Variants in FIGNL2 observed in about 807,000 individuals in gnomAD.
FIGNL2 encodes the protein fidgetin-like protein 2.
For synonymous variants in FIGNL2, 565 were observed against 484.0 expected (o/e 1.17, Z -2.20); for missense variants, 1,060 against 950.2 (o/e 1.12, Z -1.52).
At chr12:51,848,171 C>T (rs994611625) in intron 1 of FIGNL2, 18 of 985,114 alleles carry the variant, frequency 1.8e-5, no homozygotes, top group Middle Eastern at 5.2e-4. Flanking sequence ...ACGCTGGATC[C>T]TTCTGGGACC....
At chr12:51,847,160 G>A in intron 1 of FIGNL2, 4 of 985,416 alleles carry the variant, frequency 4.1e-6, no homozygotes, top group Non-Finnish European at 4.8e-6. Context: ...CGTCGGTTCC[G>A]GACTGAGAGG....
intron 1 of FIGNL2, chr12:51,847,402 C>A: frequency 1.0e-6 from 1 of 985,482 alleles, no homozygotes; most frequent in Non-Finnish European, 1.2e-6. Context: ...CGCTGCCGGG[C>A]GGAAAGCAGG....
intron 1 of FIGNL2, among the ~76,000 whole-genome samples, chr12:51,835,708 C>T (rs1324326784): frequency 6.6e-6 from 1 of 152,186 alleles, no homozygotes; most frequent in Non-Finnish European, 1.5e-5. Flanking sequence ...TTTCCATCAC[C>T]ATAGAAAGTT....
At chr12:51,824,906 T>G (rs1483092183) in intron 1 of FIGNL2, among the ~76,000 whole-genome samples, 1 of 151,914 alleles carries the variant, frequency 6.6e-6, no homozygotes, top group African/African-American at 2.4e-5. Flanking sequence ...TAGCCGGGCG[T>G]AGTGGCGGGT....
At chr12:51,844,887 T>C (rs1939718992) in intron 1 of FIGNL2, 1 of 985,244 alleles carries the variant, frequency 1.0e-6, no homozygotes, top group African/African-American at 1.7e-5. Context: ...CTGGCGGTCC[T>C]ACTGCAAGTA....
chr12:51,848,141 G>A (rs1213467047), intron 1 of FIGNL2: 1 of 985,080 alleles, frequency 1.0e-6, no homozygotes, highest in Non-Finnish European at 1.2e-6. Context: ...GGGGCCTGCG[G>A]GCCGGCCCTC....
Position 51,820,834 on chromosome 12 carries a change from T to TCAGCCCCCGCGCCG in FIGNL2, c.1566_1579dup (p.Asp527AlafsTer168). 1 of 1,462,750 alleles carries TCAGCCCCCGCGCCG rather than the reference T, an allele frequency of 6.8e-7. No individual in the cohort carries two copies. 90.6% of individuals were successfully genotyped at this position (1,462,750 alleles called of 1,614,324 possible). A position where few individuals can be genotyped will look rare whatever the true frequency, so the allele number is the denominator to read the frequency against. ...GGTGGTGCCCACAACCAGCACGCCG[T>TCAGCCCCCGCGCCG]CAGCCCCCGCGCCGCAGCCCCCGTC... On this transcript the variant is annotated frameshift_variant, in exon 2 of 2. Coordinates refer to ENST00000618634, the MANE Select transcript of FIGNL2 (RefSeq NM_001384995.1). LOFTEE classifies it low-confidence loss of function (END_TRUNC).
intron 1 of FIGNL2, 56 bp from the exon 2 acceptor site, chr12:51,822,480 C>T (rs1939243775): frequency 8.2e-6 from 13 of 1,588,448 alleles, no homozygotes; most frequent in Non-Finnish European, 1.1e-5. Context: ...ACCCAGTGGG[C>T]CACTGCTAGC....
At chr12:51,826,473 CAAA>C (rs34534453) in intron 1 of FIGNL2, among the ~76,000 whole-genome samples, 1 of 131,906 alleles carries the variant, frequency 7.6e-6, no homozygotes, top group Non-Finnish European at 1.6e-5. Flanking sequence ...ACTAAAAATA[CAAA>C]AAAAAAAAAA....
intron 1 of FIGNL2, among the ~76,000 whole-genome samples, chr12:51,833,412 AGT>A (rs1411964004): frequency 6.6e-6 from 1 of 152,074 alleles, no homozygotes; most frequent in Non-Finnish European, 1.5e-5. Flanking sequence ...CACAGTTGCC[AGT>A]GTAACTCTTG....
At chr12:51,846,806 G>A (rs1461039359) in intron 1 of FIGNL2, among the ~76,000 whole-genome samples, 1 of 152,216 alleles carries the variant, frequency 6.6e-6, no homozygotes, top group Non-Finnish European at 1.5e-5. Flanking sequence ...GCCCCACACA[G>A]CCTAATTCCC....
chr12:51,841,881 A>G (rs1436396423), intron 1 of FIGNL2: 2 of 152,278 alleles, frequency 1.3e-5, no homozygotes, highest in African/African-American at 4.8e-5. Flanking sequence ...CTTTTCCTCA[A>G]AAGAAGCAAA....
rs1246717718 is a variant in FIGNL2, at chr12:51,848,697, C to A, written c.-169G>T. On this transcript the variant is annotated 5_prime_UTR_variant, in exon 1 of 2. Coordinates refer to ENST00000618634, the MANE Select transcript of FIGNL2 (RefSeq NM_001384995.1). The stretch of plus-strand genomic sequence containing the variant: ...CCGCTGCTGCTGCGGCTGCTGCGGC[C>A]GCCGCGGGCGGGAGCGGGACTGGGC... 2.2e-5 allele frequency: 6 copies of A among 278,320 alleles called. No individual in the cohort carries two copies. Among genetic ancestry groups the A allele is most frequent in the Non-Finnish European group, 3.3e-5 (6 of 183,742 alleles). The allele number at this position is 278,320 out of a possible 1,614,324, so 17.2% of individuals were successfully genotyped here.
chr12:51,833,762 A>G (rs547759679), intron 1 of FIGNL2, among the ~76,000 whole-genome samples: 8 of 152,254 alleles, frequency 5.3e-5, no homozygotes, highest in Admixed American at 2.6e-4. Context: ...TCCCTGTAAC[A>G]CTCATCCATC....
intron 1 of FIGNL2, among the ~76,000 whole-genome samples, chr12:51,843,911 C>T (rs924368925): frequency 2.0e-5 from 3 of 151,622 alleles, no homozygotes; most frequent in South Asian, 2.1e-4. Context: ...ACCGCCTCTA[C>T]AATTTTTTTT....
rs549282556 is a variant in FIGNL2, at chr12:51,847,461, G to C, written c.-12+1079C>G. ...GTGCGGACAACACAAACATTCTTCA[G>C]TCCTCTATTCTCCTCCAAATTAGGT... On this transcript the variant is annotated intron_variant, in intron 1 of 1. Transcript: ENST00000618634. 6 of 985,472 alleles carry C rather than the reference G, an allele frequency of 6.1e-6. No individual in the cohort carries two copies. The South Asian group carries it at 1.9e-4, about 31-fold the overall frequency. The allele number at this position is 985,472 out of a possible 1,614,324, so 61.0% of individuals were successfully genotyped here.
Position 51,820,925 on chromosome 12 carries a change from G to A in FIGNL2, c.1489C>T (p.Leu497Phe). The A allele has an allele frequency of 7.6e-7, 1 of 1,321,940 alleles. No homozygotes were observed. The highest frequency in any genetic ancestry group is 2.1e-5 in the South Asian group (1 of 46,748). The allele number at this position is 1,321,940 out of a possible 1,614,324, so 81.9% of individuals were successfully genotyped here. A position where few individuals can be genotyped will look rare whatever the true frequency, so the allele number is the denominator to read the frequency against. Residue 497 changes from leucine (L) to phenylalanine (F), a missense_variant, in exon 2 of 2, where the codon CTC becomes TTC. Transcript: ENST00000618634. The stretch of plus-strand genomic sequence containing the variant: ...GCCGCGCCGTCGTCCCGGGCGGGGA[G>A]CAGCGCCTCTAGCTCGCTGATGAGG... ...VLLISELEALLPARDDGAAAG... is the reference protein window; with the variant it reads ...VLLISELEALFPARDDGAAAG...
Position 51,821,062 on chromosome 12 carries a change from G to A in FIGNL2, c.1352C>T (p.Ala451Val), listed in dbSNP as rs1319408848. ...LGRCLATQLG[A>V]TLLRLRGATL... The stretch of plus-strand genomic sequence containing the variant: ...CGCGCCGCGCAGGCGCAACAGCGTG[G>A]CGCCCAGCTGCGTGGCGAGGCAGCG... The change falls in exon 2 of 2, where the codon GCC (alanine) becomes GTC (valine). Residue 451 changes from alanine (A) to valine (V), a missense_variant. By Grantham distance (64) the Ala-to-Val change is moderately conservative. Coordinates refer to ENST00000618634, the MANE Select transcript of FIGNL2 (RefSeq NM_001384995.1). 5.6e-6 allele frequency: 7 copies of A among 1,247,062 alleles called. No homozygotes were observed. The highest frequency in any genetic ancestry group is 7.0e-6 in the Non-Finnish European group (7 of 998,138). 77.2% of individuals were successfully genotyped at this position (1,247,062 alleles called of 1,614,324 possible). A position where few individuals can be genotyped will look rare whatever the true frequency, so the allele number is the denominator to read the frequency against.
At chr12:51,825,034 G>A (rs1939308386) in intron 1 of FIGNL2, among the ~76,000 whole-genome samples, 1 of 152,024 alleles carries the variant, frequency 6.6e-6, no homozygotes, top group South Asian at 2.1e-4. Context: ...ACAAGAGTGA[G>A]ACTCCATCTC....
Sources: gnomAD v4.1 joint callset for allele counts (sites outside exome capture counted in the v4.1 genomes callset) on GRCh38, gnomAD v4.1.1 for gene constraint, MANE v1.5 for transcripts, NCBI Gene and HGNC (gene_info 2026-07-23, HGNC 2026-07-21) for gene names.